TLR5: variants seen among roughly 807,000 people sequenced by gnomAD.
TLR5 encodes the protein toll-like receptor 5.
For synonymous variants in TLR5, 373 were observed against 384.4 expected, an observed-to-expected ratio of 0.97 and a Z score of 0.35; for missense variants, 944 against 999.8, an observed-to-expected ratio of 0.94 and a Z score of 0.75.
intron 5 of TLR5, among the ~76,000 whole-genome samples, chr1:223,124,975 T>TACA (rs1373935453): frequency 2.0e-5 from 3 of 152,170 alleles, no homozygotes; most frequent in African/African-American, 7.2e-5. Context: ...CAGATGTGGG[T>TACA]GCATGTGGCT....
At chr1:223,137,997 C>A (rs938559700) in intron 2 of TLR5, among the ~76,000 whole-genome samples, 4 of 112,496 alleles carry the variant, frequency 3.6e-5, no homozygotes, top group Admixed American at 2.5e-4. Flanking sequence ...CTCACTGTAT[C>A]ACCCAGACTG....
chr1:223,119,992 TAA>T (rs1240385665), intron 5 of TLR5, among the ~76,000 whole-genome samples: 2 of 54,242 alleles, frequency 3.7e-5, no homozygotes, highest in South Asian at 5.0e-4. Context: ...TAAAATAAAA[TAA>T]AATAAAATAA....
intron 2 of TLR5, among the ~76,000 whole-genome samples, chr1:223,139,032 T>C (rs1432741063): frequency 6.6e-6 from 1 of 152,208 alleles, no homozygotes; most frequent in African/African-American, 2.4e-5. Flanking sequence ...GTGACTTTGC[T>C]CCCCCTTGCC....
At chr1:223,114,330 T>C in intron 5 of TLR5, among the ~76,000 whole-genome samples, 1 of 152,180 alleles carries the variant, frequency 6.6e-6, no homozygotes, top group East Asian at 1.9e-4. Flanking sequence ...TTGGTGTCTA[T>C]TATTTGCACA....
chr1:223,143,032 G>C (rs908731368), intron 1 of TLR5, among the ~76,000 whole-genome samples, 164 bp downstream of exon 1: 1 of 152,060 alleles, frequency 6.6e-6, no homozygotes, highest in African/African-American at 2.4e-5. Flanking sequence ...AGAGAGCGCC[G>C]CCTAGTGAGG....
chr1:223,124,380 T>G (rs1571748367), intron 5 of TLR5, among the ~76,000 whole-genome samples: 1 of 151,254 alleles, frequency 6.6e-6, no homozygotes, highest in Non-Finnish European at 1.5e-5. Flanking sequence ...GAGGCAAAGG[T>G]TGTAGTGAGC....
intron 5 of TLR5, chr1:223,127,504 A>G (rs1657217403): frequency 6.6e-6 from 1 of 152,204 alleles, no homozygotes. Flanking sequence ...TAGCTGCATA[A>G]TACAGCATCC....
chr1:223,140,195 G>C (rs5744119), intron 2 of TLR5, among the ~76,000 whole-genome samples: 229 of 152,296 alleles, frequency 1.5e-3, no homozygotes, highest in African/African-American at 5.2e-3. Context: ...TAGGGGATTG[G>C]TCAGCAGAGC....
At chr1:223,113,891 C>A (rs1043726184) in intron 5 of TLR5, among the ~76,000 whole-genome samples, 1 of 152,202 alleles carries the variant, frequency 6.6e-6, no homozygotes, top group African/African-American at 2.4e-5. Flanking sequence ...CCGGGTACCC[C>A]GTTCCTAGCC....
Position 223,110,982 on chromosome 1 carries a change from G to A in TLR5, c.2050C>T (p.Gln684Ter), listed in dbSNP as rs757971188. ...AQRLVFKDHP[Q>*]GTEPDMYKYD... Reference sequence around the variant, plus strand: ...TTGTACATATCAGGTTCTGTGCCCTGGGGATGGTCCTTGAACACCAGTCTC... The same window carrying A: ...TTGTACATATCAGGTTCTGTGCCCTAGGGATGGTCCTTGAACACCAGTCTC... The change falls in exon 6 of 6, where the codon CAG becomes TAG. Residue 684 changes from glutamine to a stop codon, truncating the protein, a stop_gained. Coordinates refer to ENST00000642603, the MANE Select transcript of TLR5 (RefSeq NM_003268.6). LOFTEE classifies it low-confidence loss of function (END_TRUNC). The A allele has an allele frequency of 6.2e-7, 1 of 1,614,226 alleles. No individual in the cohort carries two copies. The highest frequency in any genetic ancestry group is 1.7e-5 in the Admixed American group (1 of 60,028).
In TLR5 at chr1:223,131,801, G is replaced by A. The variant is rs851187; in HGVS notation, c.-5+674C>T. ...CCACCATGTTGCCCAGACTGGTCTC[G>A]AACTCCTGGGATCCAGCGATCCACC... On this transcript the variant is annotated intron_variant, in intron 5 of 5. Coordinates refer to ENST00000642603, the MANE Select transcript of TLR5 (RefSeq NM_003268.6). The surrounding 1 kb of genome is among the most constrained non-coding windows in gnomAD (Gnocchi z 4.2). Among the ~76,000 whole-genome samples the A allele has an allele frequency of 0.65, 97,823 of 151,656 alleles. 32,435 individuals carry two copies. The highest frequency in any genetic ancestry group is 0.79 in the East Asian group (4,038 of 5,090).
In TLR5 at chr1:223,112,955, A is replaced by G; in HGVS notation, c.77T>C (p.Phe26Ser). The G allele has an allele frequency of 1.2e-6, 2 of 1,614,188 alleles. No homozygotes were observed. Among genetic ancestry groups the G allele is most frequent in the Non-Finnish European group, 1.7e-6 (2 of 1,180,034 alleles). The change falls in exon 6 of 6, where the codon TTT becomes TCT. Residue 26 changes from phenylalanine to serine, a missense_variant. By Grantham distance (155) the Phe-to-Ser change is radical. Coordinates refer to ENST00000642603, the MANE Select transcript of TLR5 (RefSeq NM_003268.6). Reference protein sequence around the residue: ...GPVFGIPSCSFDGRIAFYRFC... With the variant: ...GPVFGIPSCSSDGRIAFYRFC... ...ACGATAAAAGGCTATTCGGCCATCA[A>G]AGGAGCAGGAAGGAATTCCAAACAC...
At chr1:223,116,804 C>A (rs1656677380) in intron 5 of TLR5, among the ~76,000 whole-genome samples, 1 of 152,216 alleles carries the variant, frequency 6.6e-6, no homozygotes, top group Non-Finnish European at 1.5e-5. Context: ...AAACCTTGAG[C>A]TAGACACAGG....
chr1:223,122,576 C>G (rs934080070), intron 5 of TLR5, among the ~76,000 whole-genome samples: 1 of 152,120 alleles, frequency 6.6e-6, no homozygotes, highest in Non-Finnish European at 1.5e-5. Flanking sequence ...TAACCTTTTC[C>G]ACATCTTATA....
In TLR5 at chr1:223,125,260, C is replaced by G. The variant is rs78708830; in HGVS notation, c.-5+7215G>C. ...AAGCATTATAGCAGCACTGACTACACTCTAATTCAAGGATTACAGTTCAAA... is the reference window on the plus strand; with the variant it reads ...AAGCATTATAGCAGCACTGACTACAGTCTAATTCAAGGATTACAGTTCAAA... On this transcript the variant is annotated intron_variant, in intron 5 of 5. Transcript: ENST00000642603. Among the ~76,000 whole-genome samples the G allele has an allele frequency of 8.0e-3, 1,221 of 152,242 alleles. 16 individuals carry two copies. The highest frequency in any genetic ancestry group is 0.028 in the African/African-American group (1,156 of 41,518).
At chr1:223,133,885 G>T (rs1313178564) in intron 4 of TLR5, among the ~76,000 whole-genome samples, 1 of 152,220 alleles carries the variant, frequency 6.6e-6, no homozygotes, top group South Asian at 2.1e-4. Context: ...AGGAGCCCGC[G>T]GAGCCGCGGC....
At chr1:223,113,171 T>C (rs1408426459) in intron 5 of TLR5, 136 bp from the exon 6 acceptor site, 3 of 844,230 alleles carry the variant, frequency 3.6e-6, no homozygotes, top group Non-Finnish European at 5.9e-6. Flanking sequence ...TCCACAGACG[T>C]GGCTGTTGGC....
Position 223,111,603 on chromosome 1 carries a change from G to C in TLR5, c.1429C>G (p.Gln477Glu), listed in dbSNP as rs561474557. 4 of 1,614,050 alleles carry C rather than the reference G, an allele frequency of 2.5e-6. No individual in the cohort carries two copies. Among genetic ancestry groups the C allele is most frequent in the Admixed American group, 1.7e-5 (1 of 60,000 alleles). The change falls in exon 6 of 6, where the codon CAG becomes GAG. Residue 477 changes from glutamine to glutamate, a missense_variant. Gln to Glu is a conservative substitution (Grantham distance 29). Transcript: ENST00000642603. ...AACATATTTTCTCCAAGGAAAAGCT[G>C]TTCTAAGCTGGGATTCTCTGAAGGG... ...QTPSENPSLE[Q>E]LFLGENMLQL...
At chr1:223,137,583 C>T (rs1167148327) in intron 2 of TLR5, among the ~76,000 whole-genome samples, 1 of 152,120 alleles carries the variant, frequency 6.6e-6, no homozygotes, top group Non-Finnish European at 1.5e-5. Context: ...TTGCAACACC[C>T]TGTCACTGGA....
Sources: gnomAD v4.1 joint callset for allele counts (sites outside exome capture counted in the v4.1 genomes callset) on GRCh38, gnomAD v4.1.1 for gene constraint, Gnocchi (gnomAD v3.1) non-coding constraint, MANE v1.5 for transcripts, NCBI Gene and HGNC (gene_info 2026-07-23, HGNC 2026-07-21) for gene names.